Variants in NR2C2 observed in about 807,000 individuals in gnomAD.
The protein encoded by NR2C2 is Nuclear hormone receptor TR4.
Under a neutral mutation model 62.9 loss-of-function variants are expected in NR2C2, and 6 were observed. The observed-to-expected ratio is 0.10, with a 90% confidence interval of 0.05 to 0.19. The LOEUF (loss-of-function observed/expected upper bound fraction) is 0.19, where lower values mean the gene tolerates loss of function less well. Among genes scored for constraint, NR2C2 ranks in the 10% least tolerant of loss-of-function variants. The pLI is 1.00. For missense variants in NR2C2, 479 were observed against 762.7 expected (o/e 0.63, Z 4.38); for synonymous variants, 272 against 273.8 (o/e 0.99, Z 0.07).
chr3:15,029,058 C>G (rs1214801479), intron 8 of NR2C2, among the ~76,000 whole-genome samples: 1 of 151,450 alleles, frequency 6.6e-6, no homozygotes, highest in African/African-American at 2.4e-5. Context: ...AGTTCATTCC[C>G]TTTCCTACTT....
rs1241760666 is a variant in NR2C2 at position 15,047,046 on chromosome 3, CTGAA to C, written c.*4045_*4048del. ...GTGTACAGGTTTCTAGGCTGTAAGA[CTGAA>C]TGAATGTACATGTGTTTATATCCTC... On this transcript the variant is annotated 3_prime_UTR_variant, in exon 14 of 14. Transcript: ENST00000425241. 2 of 152,612 alleles carry C rather than the reference CTGAA, an allele frequency of 1.3e-5. No individual in the cohort carries two copies. Among genetic ancestry groups the C allele is most frequent in the Admixed American group, 6.5e-5 (1 of 15,268 alleles). 9.5% of individuals were successfully genotyped at this position (152,612 alleles called of 1,614,324 possible).
chr3:14,988,522 T>TGAAG (rs2125355676), intron 1 of NR2C2, among the ~76,000 whole-genome samples: 1 of 152,360 alleles, frequency 6.6e-6, no homozygotes, highest in South Asian at 2.1e-4. Flanking sequence ...ATTCTGATGA[T>TGAAG]GAAGGACCAG....
chr3:15,037,578 C>A (rs372429558), intron 11 of NR2C2, among the ~76,000 whole-genome samples: 1 of 151,672 alleles, frequency 6.6e-6, no homozygotes, highest in Non-Finnish European at 1.5e-5. Context: ...ACACCCAACT[C>A]AAAAAAAATT....
Position 14,947,924 on chromosome 3 carries a change from T to G in NR2C2, c.-40+18T>G, listed in dbSNP as rs1216673453. Reference sequence around the variant, plus strand: ...ATCCTGAGGTAAAATTGAAAGAGGGTCGGGCGGGCTCGGGCCGGCGGCGGA... The same window carrying G: ...ATCCTGAGGTAAAATTGAAAGAGGGGCGGGCGGGCTCGGGCCGGCGGCGGA... On this transcript the variant is annotated intron_variant, in intron 1 of 13. Transcript: ENST00000425241. 6.9e-6 allele frequency: 1 copy of G among 145,900 alleles called. No individual in the cohort carries two copies. The highest frequency in any genetic ancestry group is 1.5e-5 in the Non-Finnish European group (1 of 66,138). The allele number at this position is 145,900 out of a possible 1,614,324, so 9.0% of individuals were successfully genotyped here.
At chr3:15,028,911 A>G (rs540389669) in intron 8 of NR2C2, among the ~76,000 whole-genome samples, 192 bp downstream of exon 8, 32 of 152,346 alleles carry the variant, frequency 2.1e-4, no homozygotes, top group African/African-American at 7.0e-4. Context: ...GTTATACAGT[A>G]TAAAACAATC....
At chr3:15,000,876 A>G (rs1201480980) in intron 1 of NR2C2, among the ~76,000 whole-genome samples, 2 of 144,138 alleles carry the variant, frequency 1.4e-5, no homozygotes, top group African/African-American at 2.6e-5. Context: ...ATGCAGTGGC[A>G]CAATGTCGGC....
chr3:14,975,268 T>G (rs1222063815), intron 1 of NR2C2, among the ~76,000 whole-genome samples: 1 of 152,234 alleles, frequency 6.6e-6, no homozygotes, highest in Non-Finnish European at 1.5e-5. Context: ...GTGGCAAAAG[T>G]AGCCATTCTT....
chr3:15,025,423 A>G (rs1360209645), intron 7 of NR2C2: 3 of 152,214 alleles, frequency 2.0e-5, no homozygotes, highest in Non-Finnish European at 4.4e-5. Flanking sequence ...AGTTATTGTC[A>G]CTTTGGAGGA....
At chr3:14,990,756 G>A (rs896812084) in intron 1 of NR2C2, among the ~76,000 whole-genome samples, 2 of 152,190 alleles carry the variant, frequency 1.3e-5, no homozygotes, top group Non-Finnish European at 2.9e-5. Context: ...GTGTTTCTGG[G>A]GGAGAAGCCT....
intron 3 of NR2C2, among the ~76,000 whole-genome samples, chr3:15,015,410 G>A (rs945363631): frequency 4.6e-5 from 7 of 152,176 alleles, no homozygotes; most frequent in Admixed American, 6.5e-5. Flanking sequence ...ATTTGTTCTC[G>A]TCATCAGCTC....
rs372924040 is a variant in NR2C2 at position 14,952,929 on chromosome 3, A to G, written c.-40+5023A>G. 2.0e-5 allele frequency among the ~76,000 whole-genome samples: 3 copies of G among 152,216 alleles called. No individual in the cohort carries two copies. The East Asian group carries it at 5.8e-4, about 29-fold the overall frequency. On this transcript the variant is annotated intron_variant, in intron 1 of 13. Transcript: ENST00000425241. ...ACAACAGCTCAACTAGCACAGCTCA[A>G]CAATGATGAGGAGTGGGAATGACTA...
intron 1 of NR2C2, among the ~76,000 whole-genome samples, chr3:14,993,764 C>T (rs1256302526): frequency 6.6e-6 from 1 of 152,186 alleles, no homozygotes; most frequent in African/African-American, 2.4e-5. Context: ...ACTGAGCCTA[C>T]AGGGAGCCCA....
intron 1 of NR2C2, among the ~76,000 whole-genome samples, chr3:14,961,685 C>G (rs966626426): frequency 2.0e-5 from 3 of 152,206 alleles, no homozygotes; most frequent in African/African-American, 7.2e-5. Flanking sequence ...AGGAAACTAG[C>G]ACACTCTTTG....
At position 15,028,284 on chromosome 3, in the gene NR2C2, T is replaced by A. The variant is rs757786485; in HGVS notation, c.799-302T>A. On this transcript the variant is annotated intron_variant, in intron 7 of 13. Transcript: ENST00000425241. ...ATATTTTCTCTCATTCTGTGAGTTG[T>A]CCTTTTGTTTTATGGGCTTTTACTT... Among the ~76,000 whole-genome samples the A allele has an allele frequency of 1.2e-3, 186 of 152,246 alleles. 1 individual carries two copies. Among genetic ancestry groups the A allele is most frequent in the Non-Finnish European group, 2.3e-3 (159 of 68,038 alleles).
intron 10 of NR2C2, among the ~76,000 whole-genome samples, chr3:15,033,522 C>T (rs1183567057): frequency 1.3e-5 from 2 of 151,838 alleles, no homozygotes; most frequent in Non-Finnish European, 2.9e-5. Flanking sequence ...TTGTCCCATT[C>T]TCCAGGGAGA....
At chr3:14,973,606 C>T (rs80028228) in intron 1 of NR2C2, among the ~76,000 whole-genome samples, 6,214 of 134,716 alleles carry the variant, frequency 0.046, 441 homozygotes, top group African/African-American at 0.16. Context: ...TCCAGTTATA[C>T]GGTATTGTAT....
chr3:15,001,956 A>G (rs1385705150), intron 1 of NR2C2, among the ~76,000 whole-genome samples: 1 of 151,054 alleles, frequency 6.6e-6, no homozygotes, highest in Non-Finnish European at 1.5e-5. Context: ...CAACCCTGAA[A>G]CTCGTCTACT....
chr3:15,000,098 G>A (rs1241600666), intron 1 of NR2C2, among the ~76,000 whole-genome samples: 2 of 151,094 alleles, frequency 1.3e-5, no homozygotes, highest in Non-Finnish European at 3.0e-5. Flanking sequence ...GCCATGCTGT[G>A]CAATAGGTCT....
At chr3:14,968,298 A>G (rs1452832184) in intron 1 of NR2C2, among the ~76,000 whole-genome samples, 1 of 152,222 alleles carries the variant, frequency 6.6e-6, no homozygotes, top group Non-Finnish European at 1.5e-5. Flanking sequence ...ACAAGAAAAA[A>G]ACAACCCCAT....
Sources: allele counts gnomAD v4.1 joint callset (sites outside exome capture counted in the v4.1 genomes callset), GRCh38; gene constraint gnomAD v4.1.1; transcripts MANE v1.5; gene names NCBI Gene and HGNC (gene_info 2026-07-23, HGNC 2026-07-21).